The following ZNF197 variants were observed in gnomAD, a reference collection of about 807,000 sequenced individuals.
The protein encoded by ZNF197 is VHL-associated KRAB-A domain-containing protein.
ZNF197 carries 14 observed loss-of-function variants against 27.4 expected under a neutral mutation model. The observed-to-expected ratio is 0.51, with a 90% confidence interval of 0.34 to 0.80. The LOEUF (loss-of-function observed/expected upper bound fraction) is 0.80, where lower values mean the gene tolerates loss of function less well. ZNF197 is among the 30% of genes least tolerant of loss of function. ZNF197 has a pLI of 0.02. For missense variants in ZNF197, 1,090 were observed against 1,222.6 expected (o/e 0.89, Z 1.62); for synonymous variants, 415 against 420.0 (o/e 0.99, Z 0.15).
chr3:44,629,567 G>C (rs375026928), intron 2 of ZNF197, 23 bp downstream of exon 2: 1 of 1,532,034 alleles, frequency 6.5e-7, no homozygotes, highest in African/African-American at 1.4e-5. Flanking sequence ...GGGAGGGGCG[G>C]TGGGTGTTGG....
At chr3:44,625,632 A>T (rs1701602851) in intron 1 of ZNF197, among the ~76,000 whole-genome samples, 1 of 152,202 alleles carries the variant, frequency 6.6e-6, no homozygotes, top group South Asian at 2.1e-4. Flanking sequence ...TTAAAAATCA[A>T]ACTTGAAAAA....
At position 44,643,090 on chromosome 3, in the gene ZNF197, G is replaced by C; in HGVS notation, c.1960G>C (p.Glu654Gln). ...TGGGGAGAAGCCCTATGAATGTAAT[G>C]AATGTGGGAAAGTTTTTATTCTGAA... Reference protein sequence around the residue: ...HNGEKPYECNECGKVFILKKS... With the variant: ...HNGEKPYECNQCGKVFILKKS... Residue 654 changes from glutamate to glutamine, a missense_variant, in exon 6 of 6, where the codon GAA becomes CAA. Coordinates refer to ENST00000344387, the MANE Select transcript of ZNF197 (RefSeq NM_006991.5). 6.2e-7 allele frequency: 1 copy of C among 1,613,814 alleles called. No homozygotes were observed. The highest frequency in any genetic ancestry group is 1.1e-5 in the South Asian group (1 of 91,002).
rs1490590516 is a variant in ZNF197 at position 44,647,068 on chromosome 3, A to G, written c.*2848A>G. ...ATGATATTACAGGTTGGGAAAAAAT[A>G]TTTGCAAATCATATCCAACAAGGGA... On this transcript the variant is annotated 3_prime_UTR_variant, in exon 6 of 6. Transcript: ENST00000344387. 4 of 151,984 alleles carry G rather than the reference A, an allele frequency of 2.6e-5. No homozygotes were observed. Among genetic ancestry groups the G allele is most frequent in the African/African-American group, 9.7e-5 (4 of 41,198 alleles). The allele number at this position is 151,984 out of a possible 1,614,324, so 9.4% of individuals were successfully genotyped here. A position where few individuals can be genotyped will look rare whatever the true frequency, so the allele number is the denominator to read the frequency against.
At position 44,643,377 on chromosome 3, in the gene ZNF197, G is replaced by A. The variant is rs1482824368; in HGVS notation, c.2247G>A (p.Leu749=). 6.2e-7 allele frequency: 1 copy of A among 1,614,062 alleles called. No homozygotes were observed. Among genetic ancestry groups the A allele is most frequent in the Non-Finnish European group, 8.5e-7 (1 of 1,180,046 alleles). ...CGKAFSYNSS[L]LVHRRIHTGE... is the part of the protein sequence containing the mutation. ...AGGCTTTCAGTTACAATTCAAGCCT[G>A]CTTGTACATCGGAGAATCCACACCG... Residue 749 remains leucine (L), a synonymous_variant, in exon 6 of 6, where the codon CTG becomes CTA. Transcript: ENST00000344387.
In ZNF197 at chr3:44,646,034, T is replaced by C; in HGVS notation, c.*1814T>C. ...GGTGTGTTGATTATCATAAATGTTA[T>C]TAATTCAACCCCACAGTTTCTTGGG... On this transcript the variant is annotated 3_prime_UTR_variant, in exon 6 of 6. Transcript: ENST00000344387. 2 of 985,404 alleles carry C rather than the reference T, an allele frequency of 2.0e-6. No homozygotes were observed. Among genetic ancestry groups the C allele is most frequent in the Non-Finnish European group, 2.4e-6 (2 of 829,940 alleles). 61.0% of individuals were successfully genotyped at this position (985,404 alleles called of 1,614,324 possible). A position where few individuals can be genotyped will look rare whatever the true frequency, so the allele number is the denominator to read the frequency against.
At position 44,644,414 on chromosome 3, in the gene ZNF197, G is replaced by A; in HGVS notation, c.*194G>A. ...AGCACTTTGAGAGGCCGAAGCGAGT[G>A]GATCACCTGAGGTCAGGATTTTGAG... On this transcript the variant is annotated 3_prime_UTR_variant, in exon 6 of 6. Coordinates refer to ENST00000344387, the MANE Select transcript of ZNF197 (RefSeq NM_006991.5). The A allele has an allele frequency of 7.8e-7, 1 of 1,283,408 alleles. No homozygotes were observed. Among genetic ancestry groups the A allele is most frequent in the East Asian group, 3.1e-5 (1 of 32,330 alleles). 79.5% of individuals were successfully genotyped at this position (1,283,408 alleles called of 1,614,324 possible). A position where few individuals can be genotyped will look rare whatever the true frequency, so the allele number is the denominator to read the frequency against.
At chr3:44,630,925 G>T in intron 2 of ZNF197, 137 bp from the exon 3 acceptor site, 1 of 1,209,278 alleles carries the variant, frequency 8.3e-7, no homozygotes. Context: ...CTTTACTGCT[G>T]TTTTGATGCT....
intron 1 of ZNF197, among the ~76,000 whole-genome samples, chr3:44,628,597 G>A (rs1273237234): frequency 6.6e-6 from 1 of 152,026 alleles, no homozygotes; most frequent in Non-Finnish European, 1.5e-5. Flanking sequence ...GTTACAGAAG[G>A]GTAATAAGTA....
rs751189488 is a variant in ZNF197, at chr3:44,642,184, A to ACTTT, written c.1056_1059dup (p.Gly354PhefsTer7). ...GTGGAAGGAATTAGGAGACAGCTTG[A>ACTTT]CTTTCGGTTCAGCTATTTCTGAAAG... is the stretch of plus-strand genomic sequence containing the variant. On this transcript the variant is annotated frameshift_variant, in exon 6 of 6. Coordinates refer to ENST00000344387, the MANE Select transcript of ZNF197 (RefSeq NM_006991.5). LOFTEE classifies it low-confidence loss of function (END_TRUNC). 1.2e-6 allele frequency: 2 copies of ACTTT among 1,614,154 alleles called. No individual in the cohort carries two copies. The highest frequency in any genetic ancestry group is 1.7e-6 in the Non-Finnish European group (2 of 1,180,022).
Position 44,644,404 on chromosome 3 carries a change from C to G in ZNF197, c.*184C>G, listed in dbSNP as rs748012135. On this transcript the variant is annotated 3_prime_UTR_variant, in exon 6 of 6. Coordinates refer to ENST00000344387, the MANE Select transcript of ZNF197 (RefSeq NM_006991.5). ...CTGTAATCCCAGCACTTTGAGAGGC[C>G]GAAGCGAGTGGATCACCTGAGGTCA... 3 of 1,317,666 alleles carry G rather than the reference C, an allele frequency of 2.3e-6. No homozygotes were observed. Among genetic ancestry groups the G allele is most frequent in the East Asian group, 3.0e-5 (1 of 33,880 alleles). 81.6% of individuals were successfully genotyped at this position (1,317,666 alleles called of 1,614,324 possible). A position where few individuals can be genotyped will look rare whatever the true frequency, so the allele number is the denominator to read the frequency against.
chr3:44,643,952 C>G lies in ZNF197; in HGVS notation c.2822C>G (p.Ser941Cys). The G allele has an allele frequency of 6.2e-7, 1 of 1,614,056 alleles. No individual in the cohort carries two copies. The highest frequency in any genetic ancestry group is 8.5e-7 in the Non-Finnish European group (1 of 1,180,018). The change falls in exon 6 of 6, where the codon TCT becomes TGT. Residue 941 changes from serine (S) to cysteine (C), a missense_variant. Coordinates refer to ENST00000344387, the MANE Select transcript of ZNF197 (RefSeq NM_006991.5). ...ECDKCRKSFT[S>C]KRNLVGHQRI... ...GACAAGTGTAGGAAATCCTTTACTTCTAAGAGGAATTTAGTTGGCCACCAG... is the reference window on the plus strand; with the variant it reads ...GACAAGTGTAGGAAATCCTTTACTTGTAAGAGGAATTTAGTTGGCCACCAG...
rs1313030896 is a variant in ZNF197, at chr3:44,645,117, T to C, written c.*897T>C. The stretch of plus-strand genomic sequence containing the variant: ...TTCCCTTAATGGCCATGTGATGTTA[T>C]TAAGTCAGCCTCTAAAGCTTTAGTT... On this transcript the variant is annotated 3_prime_UTR_variant, in exon 6 of 6. Coordinates refer to ENST00000344387, the MANE Select transcript of ZNF197 (RefSeq NM_006991.5). 4 of 974,814 alleles carry C rather than the reference T, an allele frequency of 4.1e-6. No individual in the cohort carries two copies. The highest frequency in any genetic ancestry group is 4.9e-6 in the Non-Finnish European group (4 of 820,444). The allele number at this position is 974,814 out of a possible 1,614,324, so 60.4% of individuals were successfully genotyped here. A position where few individuals can be genotyped will look rare whatever the true frequency, so the allele number is the denominator to read the frequency against.
chr3:44,629,812 A>T (rs1701880944), intron 2 of ZNF197, among the ~76,000 whole-genome samples: 1 of 152,244 alleles, frequency 6.6e-6, no homozygotes, highest in Non-Finnish European at 1.5e-5. Flanking sequence ...ATGCTTGCTA[A>T]TGCTGAGTTT....
chr3:44,631,787 G>A (rs533738823), intron 3 of ZNF197, among the ~76,000 whole-genome samples: 8 of 150,278 alleles, frequency 5.3e-5, no homozygotes, highest in Admixed American at 2.0e-4. Flanking sequence ...TGCAACCTCC[G>A]CCTCCCAGGT....
chr3:44,625,419 G>A (rs1352567957), intron 1 of ZNF197, among the ~76,000 whole-genome samples: 2 of 152,194 alleles, frequency 1.3e-5, no homozygotes, highest in East Asian at 1.9e-4. Flanking sequence ...TTTGAGAAGA[G>A]CTGCCTCAGT....
At chr3:44,633,172 C>T (rs11710959) in intron 5 of ZNF197, among the ~76,000 whole-genome samples, 41,397 of 152,036 alleles carry the variant, frequency 0.27, 6,144 homozygotes, top group Non-Finnish European at 0.32. Context: ...TTCATTTGTA[C>T]TGAGTAATCC....
At chr3:44,641,498 T>G (rs1243385718) in intron 5 of ZNF197, among the ~76,000 whole-genome samples, 1 of 152,226 alleles carries the variant, frequency 6.6e-6, no homozygotes, top group East Asian at 1.9e-4. Flanking sequence ...CCCTTAAAGT[T>G]TCCATCCTTC....
rs1702509497 is a variant in ZNF197, at chr3:44,640,042, A to T, written c.770-1858A>T. 6.6e-6 allele frequency among the ~76,000 whole-genome samples: 1 copy of T among 152,194 alleles called. No homozygotes were observed. Among genetic ancestry groups the T allele is most frequent in the Non-Finnish European group, 1.5e-5 (1 of 68,034 alleles). The stretch of plus-strand genomic sequence containing the variant: ...ATAGGCATGGATTAGGGCAGATGAA[A>T]GGCGGGGGGTGTCAGTGGTAGGAAA... On this transcript the variant is annotated intron_variant, in intron 5 of 5. Coordinates refer to ENST00000344387, the MANE Select transcript of ZNF197 (RefSeq NM_006991.5). This position sits in a 1 kb window ranked among gnomAD's most constrained non-coding sequence, Gnocchi z 4.0.
At position 44,645,443 on chromosome 3, in the gene ZNF197, T is replaced by C. The variant is rs1175755469; in HGVS notation, c.*1223T>C. 1.9e-5 allele frequency: 19 copies of C among 985,014 alleles called. No homozygotes were observed. Among genetic ancestry groups the C allele is most frequent in the Non-Finnish European group, 2.2e-5 (18 of 829,710 alleles). 61.0% of individuals were successfully genotyped at this position (985,014 alleles called of 1,614,324 possible). On this transcript the variant is annotated 3_prime_UTR_variant, in exon 6 of 6. Transcript: ENST00000344387. ...TTTGTTAAATTTACCTTTAAAAATA[T>C]CTGAGGGAGTTACTAGATTATATAT...
Sources: gnomAD v4.1 joint callset for allele counts (sites outside exome capture counted in the v4.1 genomes callset) on GRCh38, gnomAD v4.1.1 for gene constraint, Gnocchi (gnomAD v3.1) non-coding constraint, MANE v1.5 for transcripts, NCBI Gene and HGNC (gene_info 2026-07-23, HGNC 2026-07-21) for gene names.